RP1: variants seen among roughly 807,000 people sequenced by gnomAD.
The protein encoded by RP1 is RP1 axonemal microtubule associated.
In RP1, 16 loss-of-function variants were observed where a neutral mutation model predicts 14.8. The observed-to-expected ratio is 1.08, with a 90% CI of 0.73 to 1.65. The LOEUF is 1.65. Among genes scored for constraint, RP1 ranks in the 40% most tolerant of loss-of-function variants. RP1 has a pLI of 0.00. For missense variants in RP1, 2,631 were observed against 2,535.0 expected (o/e 1.04, Z -0.81); for synonymous variants, 876 against 883.6 (o/e 0.99, Z 0.15).
intron 1 of RP1, among the ~76,000 whole-genome samples, chr8:54,573,193 C>T (rs1401824952): frequency 1.3e-5 from 2 of 152,090 alleles, no homozygotes; most frequent in African/African-American, 4.8e-5. Context: ...ATAAATCAGT[C>T]ATCACCTTCT....
At chr8:54,785,552 T>C (rs763471433) in intron 24 of RP1, among the ~76,000 whole-genome samples, 2 of 152,186 alleles carry the variant, frequency 1.3e-5, no homozygotes, top group Non-Finnish European at 2.9e-5. Context: ...AACTTGGGTA[T>C]ATACCTAGGA....
At chr8:54,651,123 C>A (rs892443692) in intron 4 of RP1, among the ~76,000 whole-genome samples, 11 of 152,094 alleles carry the variant, frequency 7.2e-5, no homozygotes, top group African/African-American at 2.4e-4. Context: ...TATGTAGAAC[C>A]AATTTCCATT....
At chr8:54,741,703 G>GTATATA (rs1220507662) in intron 19 of RP1, among the ~76,000 whole-genome samples, 18 of 87,744 alleles carry the variant, frequency 2.1e-4, no homozygotes, top group African/African-American at 8.4e-4. Flanking sequence ...ATACAAATGT[G>GTATATA]TGTGTATATA....
chr8:54,782,308 G>A (rs1810208498), intron 23 of RP1, among the ~76,000 whole-genome samples: 1 of 152,100 alleles, frequency 6.6e-6, no homozygotes, highest in Non-Finnish European at 1.5e-5. Flanking sequence ...TAACAAAGAT[G>A]ACATTATGCA....
intron 3 of RP1, among the ~76,000 whole-genome samples, chr8:54,647,744 ACT>A (rs982572170): frequency 8.0e-4 from 122 of 151,608 alleles, no homozygotes; most frequent in African/African-American, 2.7e-3. Flanking sequence ...GCTAGAGTGT[ACT>A]GTGGCAAGAT....
intron 12 of RP1, among the ~76,000 whole-genome samples, chr8:54,682,236 TA>T: frequency 6.6e-6 from 1 of 152,102 alleles, no homozygotes; most frequent in East Asian, 1.9e-4. Context: ...CCCTTTTTTT[TA>T]AATTAAAATT....
intron 25 of RP1, among the ~76,000 whole-genome samples, chr8:54,843,771 G>A (rs1653408026): frequency 6.6e-6 from 1 of 152,154 alleles, no homozygotes; most frequent in African/African-American, 2.4e-5. Context: ...GCAGGGGCTG[G>A]TAGCCATCCC....
At chr8:54,665,686 G>C (rs1453596715) in intron 7 of RP1, among the ~76,000 whole-genome samples, 1 of 152,128 alleles carries the variant, frequency 6.6e-6, no homozygotes, top group African/African-American at 2.4e-5. Context: ...CAAATGCCCA[G>C]TTTCATCAGT....
At chr8:54,561,645 T>C (rs546720351) in intron 1 of RP1, 4 of 152,320 alleles carry the variant, frequency 2.6e-5, no homozygotes, top group African/African-American at 9.6e-5. Context: ...GATGTGGCTT[T>C]TCAGATGATT....
intron 1 of RP1, among the ~76,000 whole-genome samples, chr8:54,559,946 T>C (rs1172192916): frequency 6.6e-6 from 1 of 152,238 alleles, no homozygotes; most frequent in Admixed American, 6.5e-5. Flanking sequence ...TTAATATGAC[T>C]CTGTGGTTTC....
At chr8:54,821,795 C>T (rs987621101) in intron 24 of RP1, among the ~76,000 whole-genome samples, 7 of 152,288 alleles carry the variant, frequency 4.6e-5, no homozygotes, top group Admixed American at 1.3e-4. Context: ...CCTGTACTGC[C>T]CATATTTTGC....
At chr8:54,638,437 CAAA>C (rs35957110) in intron 3 of RP1, among the ~76,000 whole-genome samples, 2 of 122,734 alleles carry the variant, frequency 1.6e-5, no homozygotes, top group Non-Finnish European at 1.7e-5. Context: ...GACTCCATCT[CAAA>C]AAAAAAAAAA....
chr8:54,832,618 T>C (rs1488544423), intron 24 of RP1, among the ~76,000 whole-genome samples: 1 of 152,072 alleles, frequency 6.6e-6, no homozygotes, highest in Non-Finnish European at 1.5e-5. Flanking sequence ...GTATTTTTAT[T>C]AACTCCTTTT....
At chr8:54,560,383 T>A (rs544812163) in intron 1 of RP1, 9 of 152,372 alleles carry the variant, frequency 5.9e-5, no homozygotes, top group African/African-American at 2.2e-4. Flanking sequence ...GCTAGAAAGC[T>A]GGAGCTGGAA....
chr8:54,758,221 G>C (rs185786165), intron 21 of RP1, among the ~76,000 whole-genome samples: 1 of 152,106 alleles, frequency 6.6e-6, no homozygotes, highest in Admixed American at 6.5e-5. Context: ...GTTTATTCTC[G>C]ACAACAATCT....
chr8:54,775,397 A>G (rs1585681308), intron 23 of RP1, among the ~76,000 whole-genome samples: 1 of 152,222 alleles, frequency 6.6e-6, no homozygotes, highest in Non-Finnish European at 1.5e-5. Context: ...AAAAGATGAT[A>G]CCACTTCTGC....
intron 26 of RP1, chr8:54,852,740 A>T: frequency 8.1e-7 from 1 of 1,231,720 alleles, no homozygotes; most frequent in Non-Finnish European, 1.0e-6. Flanking sequence ...TAATAGAAAC[A>T]GGTCTTCATC....
chr8:54,810,145 T>A (rs1810955208), intron 24 of RP1, among the ~76,000 whole-genome samples: 1 of 152,106 alleles, frequency 6.6e-6, no homozygotes, highest in African/African-American at 2.4e-5. Context: ...TAAACATAAT[T>A]ACATTTGGCA....
chr8:54,693,801 A>G (rs1807781577), intron 12 of RP1, among the ~76,000 whole-genome samples: 1 of 152,056 alleles, frequency 6.6e-6, no homozygotes, highest in African/African-American at 2.4e-5. Context: ...CTAATTGAAT[A>G]CCCTTTATTT....
Sources: allele counts gnomAD v4.1 joint callset (sites outside exome capture counted in the v4.1 genomes callset), GRCh38; gene constraint gnomAD v4.1.1; transcripts MANE v1.5; gene names NCBI Gene and HGNC (gene_info 2026-07-23, HGNC 2026-07-21).